CPQ: variants seen among roughly 807,000 people sequenced by gnomAD.
CPQ encodes the protein carboxypeptidase Q, also known as Ser-Met dipeptidase.
CPQ carries 37 observed loss-of-function variants against 45.7 expected under a neutral mutation model. The observed-to-expected ratio is 0.81, with a 90% CI of 0.62 to 1.07. The LOEUF is 1.07. CPQ is among the 50% of genes least tolerant of loss of function. The pLI, the probability that CPQ is intolerant of heterozygous loss-of-function variation, is 0.00. For synonymous variants in CPQ, 186 were observed against 205.8 expected, an observed-to-expected ratio of 0.90 and a Z score of 0.82; for missense variants, 537 against 572.9, an observed-to-expected ratio of 0.94 and a Z score of 0.64.
In CPQ at chr8:96,721,895, G is replaced by T. The variant is rs144799311; in HGVS notation, c.-34-62969G>T. On this transcript the variant is annotated intron_variant, in intron 1 of 7. Transcript: ENST00000220763. ...TTTGCACATTTATTTTTCTTTTTCC[G>T]GAATTCCTACTCTGTCTCCCCACTT... 5.3e-5 allele frequency among the ~76,000 whole-genome samples: 8 copies of T among 151,894 alleles called. No homozygotes were observed. In the South Asian group the frequency reaches 1.0e-3, roughly 20 times the overall value.
At chr8:96,885,681 G>A (rs936966036) in intron 4 of CPQ, among the ~76,000 whole-genome samples, 13 of 152,268 alleles carry the variant, frequency 8.5e-5, no homozygotes, top group South Asian at 8.3e-4. Flanking sequence ...AGCCTGGACC[G>A]AATTAACCAC....
chr8:96,806,687 T>C (rs780070582), intron 2 of CPQ, among the ~76,000 whole-genome samples: 15 of 152,200 alleles, frequency 9.9e-5, no homozygotes, highest in Non-Finnish European at 1.9e-4. Context: ...AACATGCAAA[T>C]GATACTGTAT....
chr8:96,800,440 T>C (rs1278910661), intron 2 of CPQ, among the ~76,000 whole-genome samples: 2 of 152,208 alleles, frequency 1.3e-5, no homozygotes, highest in African/African-American at 4.8e-5. Context: ...AAATTAAATA[T>C]ATTTTCATAT....
At chr8:96,701,098 CTG>C (rs1288487329) in intron 1 of CPQ, among the ~76,000 whole-genome samples, 1 of 152,128 alleles carries the variant, frequency 6.6e-6, no homozygotes, top group African/African-American at 2.4e-5. Flanking sequence ...CAAATACAGA[CTG>C]TACAATAACC....
chr8:96,799,865 A>G lies in CPQ; in HGVS notation c.433+14535A>G, dbSNP rs181559638. On this transcript the variant is annotated intron_variant, in intron 2 of 7. Transcript: ENST00000220763. Reference sequence around the variant, plus strand: ...GCCTTCCCAGTAGCCTTCCCTCTTCACCTTGCCTCATGGTAGATCTTTTTG... The same window carrying G: ...GCCTTCCCAGTAGCCTTCCCTCTTCGCCTTGCCTCATGGTAGATCTTTTTG... Among the ~76,000 whole-genome samples the G allele has an allele frequency of 1.4e-3, 217 of 152,118 alleles. 4 individuals carry two copies. The highest frequency in any genetic ancestry group is 0.011 in the Admixed American group (169 of 15,272).
chr8:96,690,890 T>C (rs762211048), intron 1 of CPQ, among the ~76,000 whole-genome samples: 6 of 152,198 alleles, frequency 3.9e-5, no homozygotes, highest in Non-Finnish European at 8.8e-5. Context: ...TATGGTCTTT[T>C]ATGAAAAACA....
At chr8:96,931,687 G>A (rs1056829302) in intron 4 of CPQ, among the ~76,000 whole-genome samples, 3 of 152,130 alleles carry the variant, frequency 2.0e-5, no homozygotes, top group African/African-American at 7.2e-5. Context: ...GGAGCCCAGG[G>A]ACTAACACGA....
Position 97,029,419 on chromosome 8 carries a change from G to T in CPQ, c.978G>T (p.Arg326Ser). Residue 326 changes from arginine (R) to serine (S), a missense_variant, in exon 6 of 8, where the codon AGG becomes AGT. Coordinates refer to ENST00000220763, the MANE Select transcript of CPQ (RefSeq NM_016134.4). ...TTTTCCCAGGGCTGCGTCCAAAGAG[G>T]ACTCTGCGGCTGGTGCTCTGGACTG... is the stretch of plus-strand genomic sequence containing the variant. ...LIKDLGLRPK[R>S]TLRLVLWTAE... is the part of the protein sequence containing the mutation. The T allele has an allele frequency of 1.2e-6, 2 of 1,607,272 alleles. No individual in the cohort carries two copies. Among genetic ancestry groups the T allele is most frequent in the Non-Finnish European group, 1.7e-6 (2 of 1,176,426 alleles).
chr8:96,709,777 G>A (rs997064571), intron 1 of CPQ, among the ~76,000 whole-genome samples: 2 of 152,060 alleles, frequency 1.3e-5, no homozygotes, highest in African/African-American at 2.4e-5. Flanking sequence ...TGTTGGATTC[G>A]ATTTGCTAGT....
intron 2 of CPQ, among the ~76,000 whole-genome samples, chr8:96,797,161 G>T (rs549838036): frequency 2.6e-4 from 39 of 152,290 alleles, no homozygotes; most frequent in Non-Finnish European, 5.0e-4. Context: ...TGAAACAGCA[G>T]AAAACAGTCT....
At chr8:96,724,212 G>T (rs958251824) in intron 1 of CPQ, among the ~76,000 whole-genome samples, 2 of 151,888 alleles carry the variant, frequency 1.3e-5, no homozygotes, top group African/African-American at 4.8e-5. Flanking sequence ...ATCTTTTGAA[G>T]TACATTTTTA....
At chr8:96,940,703 A>G (rs559328947) in intron 4 of CPQ, among the ~76,000 whole-genome samples, 34 of 152,332 alleles carry the variant, frequency 2.2e-4, no homozygotes, top group African/African-American at 7.5e-4. Flanking sequence ...GAACAAATCA[A>G]TACTCTAAAA....
chr8:96,923,843 G>A (rs1212439136), intron 4 of CPQ, among the ~76,000 whole-genome samples: 4 of 152,224 alleles, frequency 2.6e-5, no homozygotes, highest in Admixed American at 6.5e-5. Context: ...GGTGCATTAA[G>A]ATGTGAGAAA....
At chr8:97,140,018 A>G (rs962139802) in intron 7 of CPQ, among the ~76,000 whole-genome samples, 16 of 151,852 alleles carry the variant, frequency 1.1e-4, no homozygotes, top group African/African-American at 3.6e-4. Flanking sequence ...GATTTAAAAA[A>G]AAAACAGAGA....
intron 7 of CPQ, among the ~76,000 whole-genome samples, chr8:97,085,110 G>T (rs1413449105): frequency 6.6e-6 from 1 of 152,004 alleles, no homozygotes; most frequent in Non-Finnish European, 1.5e-5. Flanking sequence ...GTCACCATGT[G>T]TGGTGGCCCA....
intron 7 of CPQ, among the ~76,000 whole-genome samples, chr8:97,107,646 C>G (rs1333020815): frequency 1.3e-5 from 2 of 152,164 alleles, no homozygotes; most frequent in Admixed American, 6.5e-5. Flanking sequence ...TCAGCTCTGA[C>G]TAAGCACTTC....
intron 7 of CPQ, among the ~76,000 whole-genome samples, chr8:97,074,008 C>A (rs1224505794): frequency 6.6e-6 from 1 of 152,162 alleles, no homozygotes; most frequent in Non-Finnish European, 1.5e-5. Flanking sequence ...CAAACAGAAA[C>A]CACTGGGTAT....
At chr8:97,139,786 G>A (rs770324946) in intron 7 of CPQ, among the ~76,000 whole-genome samples, 10 of 151,914 alleles carry the variant, frequency 6.6e-5, no homozygotes, top group South Asian at 2.1e-4. Flanking sequence ...GACAAAGTAC[G>A]TCTGCAGAGT....
At chr8:96,887,967 T>C (rs1450581549) in intron 4 of CPQ, among the ~76,000 whole-genome samples, 1 of 152,334 alleles carries the variant, frequency 6.6e-6, no homozygotes, top group East Asian at 1.9e-4. Context: ...AACATTGAAA[T>C]GAAAACTCTA....
Sources: allele counts gnomAD v4.1 joint callset (sites outside exome capture counted in the v4.1 genomes callset), GRCh38; gene constraint gnomAD v4.1.1; transcripts MANE v1.5; gene names NCBI Gene and HGNC (gene_info 2026-07-23, HGNC 2026-07-21).